Variants in NRG3 observed in about 807,000 individuals in gnomAD.
NRG3 encodes pro-neuregulin-3, membrane-bound isoform.
NRG3 carries 31 observed loss-of-function variants against 66.9 expected under a neutral mutation model. The ratio of observed to expected loss-of-function variants is 0.46; its 90% confidence interval spans 0.35 to 0.63. NRG3 has a LOEUF of 0.63. NRG3 is among the 20% of genes least tolerant of loss of function. NRG3 has a pLI of 0.00. For synonymous variants in NRG3, 393 were observed against 359.4 expected, an observed-to-expected ratio of 1.09 and a Z score of -1.06; for missense variants, 910 against 878.9, an observed-to-expected ratio of 1.04 and a Z score of -0.45.
chr10:82,914,257 C>A (rs1388595803), intron 4 of NRG3, among the ~76,000 whole-genome samples: 3 of 152,038 alleles, frequency 2.0e-5, no homozygotes, highest in Non-Finnish European at 2.9e-5. Context: ...ATTTTCTGAT[C>A]ATTTAAAAAT....
At chr10:81,895,141 C>T (rs1347228995) in intron 1 of NRG3, among the ~76,000 whole-genome samples, 1 of 152,110 alleles carries the variant, frequency 6.6e-6, no homozygotes, top group Non-Finnish European at 1.5e-5. Context: ...CTACACATGC[C>T]TTTCCCTAGC....
intron 4 of NRG3, among the ~76,000 whole-genome samples, chr10:82,869,111 A>G (rs1376835940): frequency 6.6e-6 from 1 of 152,368 alleles, no homozygotes; most frequent in East Asian, 1.9e-4. Context: ...AAATGTAGGC[A>G]TAGTCTATAT....
intron 2 of NRG3, among the ~76,000 whole-genome samples, chr10:82,735,705 T>C (rs1206410835): frequency 4.0e-5 from 6 of 151,102 alleles, no homozygotes; most frequent in East Asian, 1.9e-4. Context: ...AGTTGAACAA[T>C]GAAAGCACAT....
intron 2 of NRG3, among the ~76,000 whole-genome samples, chr10:82,634,965 GATGGTAT>G (rs1339002815): frequency 6.6e-6 from 1 of 152,174 alleles, no homozygotes; most frequent in Admixed American, 6.6e-5. Flanking sequence ...TTGAGAGAGT[GATGGTAT>G]ATGGGTTAGC....
At chr10:82,540,730 T>C (rs940222564) in intron 2 of NRG3, among the ~76,000 whole-genome samples, 1 of 152,134 alleles carries the variant, frequency 6.6e-6, no homozygotes, top group African/African-American at 2.4e-5. Flanking sequence ...TTTCTCACTA[T>C]TGGAGAAAAG....
Position 81,875,231 on chromosome 10 carries a change from C to T in NRG3, c.-110C>T. ...GGCCGCCGCGGCCGCTGCCTGCGCC[C>T]GAGCCCGCCGCCGCCGCCGGAGCCC... On this transcript the variant is annotated 5_prime_UTR_variant, in exon 1 of 9. Transcript: ENST00000372141. The surrounding 1 kb of genome is among the most constrained non-coding windows in gnomAD (Gnocchi z 5.3). 1 of 603,532 alleles carries T rather than the reference C, an allele frequency of 1.7e-6. No homozygotes were observed. The highest frequency in any genetic ancestry group is 2.1e-6 in the Non-Finnish European group (1 of 484,014). The allele number at this position is 603,532 out of a possible 1,614,324, so 37.4% of individuals were successfully genotyped here. A position where few individuals can be genotyped will look rare whatever the true frequency, so the allele number is the denominator to read the frequency against.
chr10:82,146,683 C>T (rs999001421), intron 1 of NRG3, among the ~76,000 whole-genome samples: 2 of 152,016 alleles, frequency 1.3e-5, no homozygotes, highest in African/African-American at 2.4e-5. Context: ...TAATTTTGGT[C>T]GTTGGGGTAT....
chr10:82,409,005 G>A (rs138508965), intron 2 of NRG3, among the ~76,000 whole-genome samples: 23 of 152,216 alleles, frequency 1.5e-4, no homozygotes, highest in African/African-American at 5.5e-4. Context: ...GTGTCTGAAG[G>A]GAAATGATAG....
intron 1 of NRG3, among the ~76,000 whole-genome samples, chr10:82,285,021 T>C (rs1163558922): frequency 2.0e-5 from 3 of 152,188 alleles, no homozygotes; most frequent in Admixed American, 6.5e-5. Context: ...AAACAGATTG[T>C]GGTTAAACTC....
At chr10:82,522,530 G>A (rs1012985987) in intron 2 of NRG3, among the ~76,000 whole-genome samples, 2 of 152,016 alleles carry the variant, frequency 1.3e-5, no homozygotes, top group South Asian at 2.1e-4. Context: ...TTAAAAGTTC[G>A]AAATATTTCG....
intron 1 of NRG3, among the ~76,000 whole-genome samples, chr10:81,925,809 T>G (rs1367030008): frequency 1.3e-5 from 2 of 152,098 alleles, no homozygotes; most frequent in African/African-American, 4.8e-5. Flanking sequence ...TGTTTTATTG[T>G]TTTTGAAGAA....
intron 1 of NRG3, among the ~76,000 whole-genome samples, chr10:81,887,614 C>A (rs934035761): frequency 2.0e-5 from 3 of 152,070 alleles, no homozygotes; most frequent in Admixed American, 6.6e-5. Context: ...TATTAATTTT[C>A]AGTGGCTGGA....
intron 3 of NRG3, among the ~76,000 whole-genome samples, chr10:82,750,655 G>A (rs930402336): frequency 6.6e-6 from 1 of 151,992 alleles, no homozygotes; most frequent in Non-Finnish European, 1.5e-5. Context: ...TAATTTTATG[G>A]TTGAGGCAAC....
At chr10:82,767,872 G>T (rs2059575655) in intron 3 of NRG3, among the ~76,000 whole-genome samples, 1 of 140,864 alleles carries the variant, frequency 7.1e-6, no homozygotes, top group African/African-American at 3.0e-5. Flanking sequence ...AATTATCTCT[G>T]TTCTCTCTCT....
chr10:82,825,980 T>C (rs1185815183), intron 3 of NRG3, among the ~76,000 whole-genome samples: 2 of 152,194 alleles, frequency 1.3e-5, no homozygotes, highest in Non-Finnish European at 2.9e-5. Flanking sequence ...TGTTTACAGA[T>C]TGATTGTCTT....
At chr10:82,400,336 A>G (rs1029606707) in intron 2 of NRG3, among the ~76,000 whole-genome samples, 5 of 152,152 alleles carry the variant, frequency 3.3e-5, no homozygotes, top group African/African-American at 1.2e-4. Context: ...TTTAAATTGC[A>G]TAGGTGAGAA....
At chr10:82,349,615 T>C (rs1321794967) in intron 1 of NRG3, among the ~76,000 whole-genome samples, 4 of 152,034 alleles carry the variant, frequency 2.6e-5, no homozygotes, top group African/African-American at 9.7e-5. Flanking sequence ...TCCCGGCTGC[T>C]TTGTTTACCT....
At chr10:82,286,563 A>G (rs1484494014) in intron 1 of NRG3, among the ~76,000 whole-genome samples, 1 of 152,142 alleles carries the variant, frequency 6.6e-6, no homozygotes, top group Non-Finnish European at 1.5e-5. Context: ...TTATCCTCAG[A>G]TATAAGCATT....
chr10:82,245,258 AGGGTTCTCACTCCTG>A (rs1306151584), intron 1 of NRG3, among the ~76,000 whole-genome samples: 1 of 152,134 alleles, frequency 6.6e-6, no homozygotes, highest in Non-Finnish European at 1.5e-5. Flanking sequence ...AGTTCACAAT[AGGGTTCTCACTCCTG>A]TGAGAATCTC....
Sources: allele counts gnomAD v4.1 joint callset (sites outside exome capture counted in the v4.1 genomes callset), GRCh38; gene constraint gnomAD v4.1.1; non-coding constraint Gnocchi (gnomAD v3.1); transcripts MANE v1.5; gene names NCBI Gene and HGNC (gene_info 2026-07-23, HGNC 2026-07-21).